Variants in ZMIZ1 observed in about 807,000 individuals in gnomAD.
ZMIZ1 encodes the protein zinc finger MIZ domain-containing protein 1.
Under a neutral mutation model 113.9 loss-of-function variants are expected in ZMIZ1, and 17 were observed. The observed-to-expected ratio is 0.15, with a 90% CI of 0.10 to 0.22. The LOEUF is 0.22. ZMIZ1 is among the 10% of genes least tolerant of loss of function. ZMIZ1 has a pLI of 1.00. For synonymous variants in ZMIZ1, 607 were observed against 603.1 expected (o/e 1.01, Z -0.09); for missense variants, 1,059 against 1,477.8 (o/e 0.72, Z 4.65).
At chr10:79,310,637 G>C (rs373108041) in intron 23 of ZMIZ1, among the ~76,000 whole-genome samples, 5 of 152,010 alleles carry the variant, frequency 3.3e-5, no homozygotes, top group Admixed American at 1.3e-4. Context: ...GGGAGCCCAG[G>C]CCCAGCTCCC....
At chr10:79,111,936 T>TA (rs1052549480) in intron 1 of ZMIZ1, among the ~76,000 whole-genome samples, 1 of 152,214 alleles carries the variant, frequency 6.6e-6, no homozygotes, top group African/African-American at 2.4e-5. Flanking sequence ...TTGTGACAGT[T>TA]ACAAATTGGG....
intron 3 of ZMIZ1, among the ~76,000 whole-genome samples, chr10:79,146,748 G>T (rs1430587631): frequency 6.6e-6 from 1 of 152,180 alleles, no homozygotes; most frequent in African/African-American, 2.4e-5. Context: ...CCCTCCCTCT[G>T]CTCCCGCTTC....
chr10:79,179,875 C>T (rs1286129604), intron 4 of ZMIZ1, among the ~76,000 whole-genome samples: 1 of 152,156 alleles, frequency 6.6e-6, no homozygotes, highest in Non-Finnish European at 1.5e-5. Context: ...TGAGCAGGCA[C>T]TCCAGGCAGG....
chr10:79,103,152 G>T (rs1276523899), intron 1 of ZMIZ1, among the ~76,000 whole-genome samples: 1 of 152,128 alleles, frequency 6.6e-6, no homozygotes, highest in African/African-American at 2.4e-5. Context: ...CACTGTAGGT[G>T]GAGGAGGTGG....
intron 4 of ZMIZ1, among the ~76,000 whole-genome samples, chr10:79,174,226 G>A (rs1303748288): frequency 1.3e-5 from 2 of 152,190 alleles, no homozygotes; most frequent in African/African-American, 2.4e-5. Flanking sequence ...GCATCACCCA[G>A]GACAGTTCTC....
chr10:79,150,214 G>C (rs549163097), intron 3 of ZMIZ1, among the ~76,000 whole-genome samples: 1 of 151,806 alleles, frequency 6.6e-6, no homozygotes, highest in East Asian at 2.0e-4. Context: ...GTGGCCACCC[G>C]CCCACCCAAC....
intron 7 of ZMIZ1, among the ~76,000 whole-genome samples, chr10:79,237,495 G>T (rs1055320274): frequency 6.6e-6 from 1 of 152,176 alleles, no homozygotes; most frequent in Non-Finnish European, 1.5e-5. Context: ...TAGGGCCAAG[G>T]TCCCTCAGAA....
intron 2 of ZMIZ1, among the ~76,000 whole-genome samples, chr10:79,130,585 A>G (rs984153974): frequency 6.6e-6 from 1 of 152,212 alleles, no homozygotes; most frequent in Non-Finnish European, 1.5e-5. Flanking sequence ...CCCAGCACAC[A>G]TGCAGACCAA....
intron 3 of ZMIZ1, among the ~76,000 whole-genome samples, chr10:79,146,512 G>A (rs1388007217): frequency 6.6e-6 from 1 of 152,182 alleles, no homozygotes; most frequent in East Asian, 1.9e-4. Context: ...GCAGCATGTT[G>A]GCAGCTCTGC....
In ZMIZ1 at chr10:79,118,740, A is replaced by G. The variant is rs1204253027; in HGVS notation, c.-336-175A>G. Among the ~76,000 whole-genome samples the G allele has an allele frequency of 6.6e-6, 1 of 152,036 alleles. No individual in the cohort carries two copies. The highest frequency in any genetic ancestry group is 1.5e-5 in the Non-Finnish European group (1 of 67,972). ...TCGAATGTGACGTTCAGGAGCTGCG[A>G]CCTTTATTTGGCAGTGGCAGGACGG... On this transcript the variant is annotated intron_variant, in intron 1 of 24. Transcript: ENST00000334512. The surrounding 1 kb of genome is among the most constrained non-coding windows in gnomAD (Gnocchi z 4.1).
intron 7 of ZMIZ1, among the ~76,000 whole-genome samples, chr10:79,249,064 T>G (rs1431008963): frequency 6.6e-6 from 1 of 152,142 alleles, no homozygotes; most frequent in African/African-American, 2.4e-5. Flanking sequence ...CCCCTGTGTG[T>G]GGGAGGCCAG....
intron 7 of ZMIZ1, among the ~76,000 whole-genome samples, chr10:79,261,203 C>T (rs534645426): frequency 1.6e-4 from 25 of 152,320 alleles, no homozygotes; most frequent in South Asian, 6.2e-4. Context: ...TTGACCCGGC[C>T]GGCCCCTCAG....
At chr10:79,298,175 T>A in intron 14 of ZMIZ1, among the ~76,000 whole-genome samples, 1 of 152,110 alleles carries the variant, frequency 6.6e-6, no homozygotes, top group East Asian at 1.9e-4. Flanking sequence ...CACAGGCACC[T>A]GACACAGGAG....
At position 79,300,924 on chromosome 10, in the gene ZMIZ1, C is replaced by A; in HGVS notation, c.2001C>A (p.Thr667=). The A allele has an allele frequency of 1.2e-6, 2 of 1,611,222 alleles. No homozygotes were observed. The highest frequency in any genetic ancestry group is 1.7e-6 in the Non-Finnish European group (2 of 1,179,938). ...CQPGRNTIQI[T]VTACCCSHLF... ...CGGGCCGCAACACCATCCAGATCAC[C>A]GTCACGGCCTGCTGCTGCGTGAGTG... The change falls in exon 17 of 25, where the codon ACC becomes ACA. Residue 667 remains threonine (T), a synonymous_variant. Coordinates refer to ENST00000334512, the MANE Select transcript of ZMIZ1 (RefSeq NM_020338.4).
chr10:79,069,039 C>T lies in ZMIZ1; in HGVS notation c.-568C>T, dbSNP rs1383613996. ...TAAAAAAGCGAGCGGCGGCGGCGGG[C>T]GCCGGGGAGAGCGGGCGGCCGGGCG... On this transcript the variant is annotated 5_prime_UTR_variant, in exon 1 of 25. Coordinates refer to ENST00000334512, the MANE Select transcript of ZMIZ1 (RefSeq NM_020338.4). This position sits in a 1 kb window ranked among gnomAD's most constrained non-coding sequence, Gnocchi z 4.6. 8 of 151,530 alleles carry T rather than the reference C, an allele frequency of 5.3e-5. No individual in the cohort carries two copies. Among genetic ancestry groups the T allele is most frequent in the East Asian group, 1.9e-4 (1 of 5,274 alleles). 9.4% of individuals were successfully genotyped at this position (151,530 alleles called of 1,614,324 possible).
rs112427201 is a variant in ZMIZ1 at position 79,130,890 on chromosome 10, G to A, written c.-226-8792G>A. Among the ~76,000 whole-genome samples the A allele has an allele frequency of 1.1e-3, 170 of 152,312 alleles. 2 individuals carry two copies. The East Asian group carries it at 0.029, about 26-fold the overall frequency. Reference sequence around the variant, plus strand: ...GGCAGGTATCTATGAAATGAGCACCGTCTTCCAAATGGGGCCCTCCCAGTT... The same window carrying A: ...GGCAGGTATCTATGAAATGAGCACCATCTTCCAAATGGGGCCCTCCCAGTT... On this transcript the variant is annotated intron_variant, in intron 2 of 24. Coordinates refer to ENST00000334512, the MANE Select transcript of ZMIZ1 (RefSeq NM_020338.4).
At chr10:79,103,244 G>A (rs112181440) in intron 1 of ZMIZ1, among the ~76,000 whole-genome samples, 3 of 152,238 alleles carry the variant, frequency 2.0e-5, no homozygotes, top group African/African-American at 7.2e-5. Context: ...GAAACCGTGA[G>A]GGGGAGCGAG....
chr10:79,264,656 G>A (rs1423307507), intron 7 of ZMIZ1, among the ~76,000 whole-genome samples: 2 of 152,186 alleles, frequency 1.3e-5, no homozygotes, highest in East Asian at 1.9e-4. Flanking sequence ...CAAGATAGGG[G>A]CTGTGACCTG....
intron 2 of ZMIZ1, among the ~76,000 whole-genome samples, chr10:79,126,641 G>T (rs1564666436): frequency 6.6e-6 from 1 of 152,236 alleles, no homozygotes; most frequent in Non-Finnish European, 1.5e-5. Context: ...GGGGGTTGGA[G>T]ACGGCAGAAG....
Sources: gnomAD v4.1 joint callset for allele counts (sites outside exome capture counted in the v4.1 genomes callset) on GRCh38, gnomAD v4.1.1 for gene constraint, Gnocchi (gnomAD v3.1) non-coding constraint, MANE v1.5 for transcripts, NCBI Gene and HGNC (gene_info 2026-07-23, HGNC 2026-07-21) for gene names.